Variants in ABL1 observed in about 807,000 individuals in gnomAD.
ABL1 encodes the protein ABL proto-oncogene 1, non-receptor tyrosine kinase.
In ABL1, 11 loss-of-function variants were observed where a neutral mutation model predicts 94.7. The ratio of observed to expected loss-of-function variants is 0.12; its 90% CI spans 0.07 to 0.19. The LOEUF is 0.19. ABL1 is among the 10% of genes least tolerant of loss of function. ABL1 has a pLI of 1.00. For missense variants in ABL1, 1,082 were observed against 1,489.4 expected (o/e 0.73, Z 4.50); for synonymous variants, 656 against 622.4 (o/e 1.05, Z -0.80).
chr9:130,880,356 T>A lies in ABL1; in HGVS notation c.1514-144T>A. 1 of 1,105,690 alleles carries A rather than the reference T, an allele frequency of 9.0e-7. No individual in the cohort carries two copies. The highest frequency in any genetic ancestry group is 1.3e-6 in the Non-Finnish European group (1 of 767,540). The allele number at this position is 1,105,690 out of a possible 1,614,324, so 68.5% of individuals were successfully genotyped here. On this transcript the variant is annotated intron_variant, in intron 9 of 10. Transcript: ENST00000318560. This position sits in a 1 kb window ranked among gnomAD's most constrained non-coding sequence, Gnocchi z 4.4. ...CAGAGTTCTAAGAAATGCTAAGGGC[T>A]GTTTCTCCGGTATCCACGTGCCTTT...
At chr9:130,864,223 C>T (rs577324448) in intron 4 of ABL1, among the ~76,000 whole-genome samples, 148 of 152,184 alleles carry the variant, frequency 9.7e-4, no homozygotes, top group African/African-American at 3.5e-3. Context: ...CCTTAAGGAC[C>T]CTGGATATTT....
rs535211319 is a variant in ABL1 at position 130,783,939 on chromosome 9, A to T, written c.136+69484A>T. On this transcript the variant is annotated intron_variant, in intron 1 of 10. Transcript: ENST00000372348. The stretch of plus-strand genomic sequence containing the variant: ...CCAAAGTGCTGGGATTGCAGGGATT[A>T]GCCACAGCACCCAGCTTGTGCATGT... Among the ~76,000 whole-genome samples the T allele has an allele frequency of 2.0e-5, 3 of 152,288 alleles. No individual in the cohort carries two copies. The East Asian group carries it at 5.8e-4, about 29-fold the overall frequency.
chr9:130,813,057 T>C (rs905971646), intron 1 of ABL1, among the ~76,000 whole-genome samples: 3 of 150,832 alleles, frequency 2.0e-5, no homozygotes, highest in African/African-American at 7.3e-5. Flanking sequence ...CTACGAAAAA[T>C]ACCAAAAATT....
In ABL1 at chr9:130,783,638, TTTTG is replaced by T. The variant is rs374215786; in HGVS notation, c.136+69203_136+69206del. On this transcript the variant is annotated intron_variant, in intron 1 of 10. Coordinates refer to the ABL1 transcript ENST00000372348. The stretch of plus-strand genomic sequence containing the variant: ...CACTGTGGAAGTTTGTGCATGTGTT[TTTTG>T]TTTGTTTGTTTGTTTGTTTTTTGTT... Among the ~76,000 whole-genome samples the T allele has an allele frequency of 1.8e-4, 27 of 151,972 alleles. 1 individual carries two copies. Among genetic ancestry groups the T allele is most frequent in the African/African-American group, 2.9e-4 (12 of 41,384 alleles).
chr9:130,876,411 C>CTTTTT (rs60634610), intron 7 of ABL1, among the ~76,000 whole-genome samples: 17,014 of 142,200 alleles, frequency 0.12, 1,401 homozygotes, highest in African/African-American at 0.21. Context: ...ATTACTTTTT[C>CTTTTT]TTTTTTTTTT....
chr9:130,818,614 TA>T (rs199519812), intron 1 of ABL1, among the ~76,000 whole-genome samples: 4,423 of 152,318 alleles, frequency 0.029, 213 homozygotes, highest in African/African-American at 0.1. Context: ...AGTTTTAATT[TA>T]ACTTTTAGGC....
At position 130,872,543 on chromosome 9, in the gene ABL1, C is replaced by T. The variant is rs1831271509; in HGVS notation, c.908-317C>T. 6.6e-6 allele frequency among the ~76,000 whole-genome samples: 1 copy of T among 152,182 alleles called. No individual in the cohort carries two copies. The highest frequency in any genetic ancestry group is 1.5e-5 in the Non-Finnish European group (1 of 68,044). The stretch of plus-strand genomic sequence containing the variant: ...GTGATTCTGTAAGTAGACACATAAC[C>T]ATCAGACCTAACCATTCAGGGGTAA... On this transcript the variant is annotated intron_variant, in intron 5 of 10. Coordinates refer to ENST00000318560, the MANE Select transcript of ABL1 (RefSeq NM_005157.6). This position sits in a 1 kb window ranked among gnomAD's most constrained non-coding sequence, Gnocchi z 5.0.
At chr9:130,784,486 A>G (rs185434094) in intron 1 of ABL1, among the ~76,000 whole-genome samples, 30 of 152,344 alleles carry the variant, frequency 2.0e-4, no homozygotes, top group Non-Finnish European at 2.9e-5. Flanking sequence ...TGGCTTAAAC[A>G]GTATCTTTTG....
chr9:130,812,620 A>T (rs1004187186), intron 1 of ABL1, among the ~76,000 whole-genome samples: 6 of 152,262 alleles, frequency 3.9e-5, no homozygotes, highest in African/African-American at 1.4e-4. Flanking sequence ...ATAAAGAGAT[A>T]CATTCATCAA....
upstream of ABL1, among the ~76,000 whole-genome samples, chr9:130,834,511 A>C (rs919228846): frequency 3.3e-5 from 5 of 152,284 alleles, no homozygotes. Flanking sequence ...AATGAAATGG[A>C]TTTTAAACAA....
rs1831429329 is a variant in ABL1 at position 130,880,301 on chromosome 9, T to A, written c.1513+144T>A. On this transcript the variant is annotated intron_variant, in intron 9 of 10. Coordinates refer to ENST00000318560, the MANE Select transcript of ABL1 (RefSeq NM_005157.6). This position sits in a 1 kb window ranked among gnomAD's most constrained non-coding sequence, Gnocchi z 4.4. ...CAGAAAGCTGGGCAGAGGTGTGGAG[T>A]ATTGTGCTTTCTTGTCTGCTGCAGC... 1 of 1,099,796 alleles carries A rather than the reference T, an allele frequency of 9.1e-7. No individual in the cohort carries two copies. The allele number at this position is 1,099,796 out of a possible 1,614,324, so 68.1% of individuals were successfully genotyped here. A position where few individuals can be genotyped will look rare whatever the true frequency, so the allele number is the denominator to read the frequency against.
chr9:130,822,568 G>A lies in ABL1; in HGVS notation c.137-31496G>A, dbSNP rs949321791. On this transcript the variant is annotated intron_variant, in intron 1 of 10. Coordinates refer to the ABL1 transcript ENST00000372348. ...ATAGGCACACACCAGTGTACCAGGG[G>A]TTGTCTGTCTTTTGATTATAGCTAT... Among the ~76,000 whole-genome samples the A allele has an allele frequency of 3.3e-5, 5 of 151,334 alleles. No homozygotes were observed. The South Asian group carries it at 1.0e-3, about 32-fold the overall frequency.
intron 1 of ABL1, among the ~76,000 whole-genome samples, chr9:130,768,904 T>G (rs1832217029): frequency 6.6e-6 from 1 of 152,186 alleles, no homozygotes; most frequent in Non-Finnish European, 1.5e-5. Context: ...TGTGGATTGA[T>G]GTGTTCAATG....
rs1001910573 is a variant in ABL1 at position 130,886,497 on chromosome 9, G to A, written c.*814G>A. ...TGAGTCTCAAGGGTGGCAGGTCACT[G>A]TCACTGCCGACATCCCTCCCCCAGC... is the stretch of plus-strand genomic sequence containing the variant. On this transcript the variant is annotated 3_prime_UTR_variant, in exon 11 of 11. Coordinates refer to ENST00000318560, the MANE Select transcript of ABL1 (RefSeq NM_005157.6). 2 of 233,488 alleles carry A rather than the reference G, an allele frequency of 8.6e-6. No individual in the cohort carries two copies. The highest frequency in any genetic ancestry group is 1.7e-5 in the Non-Finnish European group (2 of 118,018). The allele number at this position is 233,488 out of a possible 1,614,324, so 14.5% of individuals were successfully genotyped here. A position where few individuals can be genotyped will look rare whatever the true frequency, so the allele number is the denominator to read the frequency against.
At chr9:130,865,464 T>G (rs530008953) in intron 4 of ABL1, among the ~76,000 whole-genome samples, 2 of 152,122 alleles carry the variant, frequency 1.3e-5, no homozygotes, top group Non-Finnish European at 2.9e-5. Context: ...GAAGCTGAAA[T>G]TGCCAGGCAC....
chr9:130,719,848 T>C (rs556054513), intron 1 of ABL1, among the ~76,000 whole-genome samples: 7 of 152,206 alleles, frequency 4.6e-5, no homozygotes, highest in Non-Finnish European at 1.0e-4. Flanking sequence ...GTGTTGTTGT[T>C]GATGGTGAAT....
At chr9:130,757,067 A>T (rs970125585) in intron 1 of ABL1, among the ~76,000 whole-genome samples, 20 of 152,170 alleles carry the variant, frequency 1.3e-4, no homozygotes, top group African/African-American at 4.6e-4. Context: ...GTGAGAAGGC[A>T]GTTTGGGACC....
chr9:130,839,768 G>C (rs1403757978), intron 1 of ABL1, among the ~76,000 whole-genome samples: 1 of 152,204 alleles, frequency 6.6e-6, no homozygotes, highest in Admixed American at 6.5e-5. Flanking sequence ...AAACTGGTAA[G>C]AGTTAAATGT....
chr9:130,883,814 T>C (rs35853598), intron 10 of ABL1, among the ~76,000 whole-genome samples, 155 bp from the exon 11 acceptor site: 1 of 152,238 alleles, frequency 6.6e-6, no homozygotes, highest in East Asian at 1.9e-4. Context: ...TTGACAATTT[T>C]TTTGTTTGTT....
Sources: allele counts gnomAD v4.1 joint callset (sites outside exome capture counted in the v4.1 genomes callset), GRCh38; gene constraint gnomAD v4.1.1; non-coding constraint Gnocchi (gnomAD v3.1); transcripts MANE v1.5; gene names NCBI Gene and HGNC (gene_info 2026-07-23, HGNC 2026-07-21).